Variants in STK32B observed in about 807,000 individuals in gnomAD.
STK32B encodes serine/threonine-protein kinase 32B.
STK32B carries 43 observed loss-of-function variants against 52.6 expected under a neutral mutation model. The observed-to-expected ratio is 0.82, with a 90% CI of 0.64 to 1.05. STK32B has a LOEUF of 1.05. Ranked by LOEUF, STK32B falls within the 50% of genes least tolerant of loss-of-function variation. STK32B has a pLI of 0.00. For missense variants in STK32B, 621 were observed against 534.6 expected, an observed-to-expected ratio of 1.16 and a Z score of -1.59; for synonymous variants, 238 against 204.3, an observed-to-expected ratio of 1.17 and a Z score of -1.41.
chr4:5,358,806 G>T (rs1734347581), intron 4 of STK32B, among the ~76,000 whole-genome samples: 1 of 152,120 alleles, frequency 6.6e-6, no homozygotes, highest in South Asian at 2.1e-4. Context: ...TGAAAGTGAG[G>T]AAAATGTAGG....
intron 1 of STK32B, among the ~76,000 whole-genome samples, chr4:5,106,300 CA>C (rs1282792695): frequency 2.0e-5 from 3 of 151,748 alleles, no homozygotes; most frequent in African/African-American, 4.8e-5. Flanking sequence ...GACTCCATCT[CA>C]AAAAAAACTT....
the STK32B span, among the ~76,000 whole-genome samples, chr4:5,042,294 GAA>G: frequency 6.6e-6 from 1 of 152,162 alleles, no homozygotes; most frequent in Non-Finnish European, 1.5e-5. Context: ...TACGTTCTGG[GAA>G]AGCCAAGCAG....
intron 1 of STK32B, among the ~76,000 whole-genome samples, chr4:5,108,152 T>C (rs1157996825): frequency 1.3e-5 from 2 of 152,244 alleles, no homozygotes; most frequent in Admixed American, 6.5e-5. Context: ...CTGTGTCTTC[T>C]TTTGCATCTT....
chr4:5,045,820 G>C, the STK32B span, among the ~76,000 whole-genome samples: 2 of 152,042 alleles, frequency 1.3e-5, no homozygotes, highest in African/African-American at 4.8e-5. Context: ...AGATGATGGG[G>C]TTTTCTAAAT....
intron 3 of STK32B, among the ~76,000 whole-genome samples, chr4:5,294,069 G>C (rs1263803029): frequency 6.6e-6 from 1 of 152,058 alleles, no homozygotes; most frequent in East Asian, 1.9e-4. Flanking sequence ...GGTTGTTTTT[G>C]TCAAGTTTGT....
intron 1 of STK32B, among the ~76,000 whole-genome samples, 184 bp downstream of exon 1, chr4:5,052,099 C>T (rs531190467): frequency 6.6e-6 from 1 of 152,246 alleles, no homozygotes; most frequent in East Asian, 1.9e-4. Flanking sequence ...GAGGCAACTC[C>T]TAGGTACCCA....
intron 3 of STK32B, among the ~76,000 whole-genome samples, chr4:5,269,138 G>A (rs1218293613): frequency 1.3e-5 from 2 of 152,146 alleles, no homozygotes; most frequent in South Asian, 4.1e-4. Context: ...GAGACCTCGA[G>A]AGATATGAAG....
At chr4:5,090,820 G>A (rs1713039240) in intron 1 of STK32B, among the ~76,000 whole-genome samples, 1 of 152,168 alleles carries the variant, frequency 6.6e-6, no homozygotes, top group East Asian at 1.9e-4. Context: ...AGATCAGATG[G>A]TTGTAGATGT....
intron 3 of STK32B, among the ~76,000 whole-genome samples, chr4:5,181,201 C>T (rs539573463): frequency 2.0e-5 from 3 of 152,100 alleles, no homozygotes; most frequent in African/African-American, 7.2e-5. Flanking sequence ...GAAACCCTAG[C>T]CCCCAATGTC....
At position 5,313,798 on chromosome 4, in the gene STK32B, C is replaced by T. The variant is rs570017782; in HGVS notation, c.261-17422C>T. Among the ~76,000 whole-genome samples, 10 of 152,172 alleles carry T rather than the reference C, an allele frequency of 6.6e-5. No individual in the cohort carries two copies. The South Asian group carries it at 1.0e-3, about 16-fold the overall frequency. On this transcript the variant is annotated intron_variant, in intron 3 of 11. Coordinates refer to ENST00000282908, the MANE Select transcript of STK32B (RefSeq NM_018401.3). ...TAATCACATTTCTGTATACTGACAACGAACATGTGGAAAGCAACAATTTAG... is the reference window on the plus strand; with the variant it reads ...TAATCACATTTCTGTATACTGACAATGAACATGTGGAAAGCAACAATTTAG...
At chr4:5,320,111 C>T (rs1328931028) in intron 3 of STK32B, among the ~76,000 whole-genome samples, 4 of 152,144 alleles carry the variant, frequency 2.6e-5, no homozygotes, top group Admixed American at 2.6e-4. Context: ...ACGTCTCTTC[C>T]CCTTCAGAAT....
intron 3 of STK32B, among the ~76,000 whole-genome samples, chr4:5,320,953 A>G (rs185750427): frequency 1.4e-4 from 22 of 152,342 alleles, no homozygotes; most frequent in Admixed American, 3.9e-4. Flanking sequence ...ATTATGTTCA[A>G]TAGATGATGC....
At chr4:5,455,766 CAG>C (rs1266197496) in intron 7 of STK32B, among the ~76,000 whole-genome samples, 2 of 152,168 alleles carry the variant, frequency 1.3e-5, no homozygotes, top group Non-Finnish European at 2.9e-5. Flanking sequence ...CCCGAGAACA[CAG>C]AAATGAGCGT....
intron 2 of STK32B, among the ~76,000 whole-genome samples, chr4:5,157,151 T>G (rs1717919949): frequency 6.6e-6 from 1 of 152,150 alleles, no homozygotes; most frequent in African/African-American, 2.4e-5. Context: ...AAAAATGTAT[T>G]CTTTTAGAAT....
intron 4 of STK32B, among the ~76,000 whole-genome samples, chr4:5,344,341 T>C (rs1307725989): frequency 6.6e-6 from 1 of 152,192 alleles, no homozygotes; most frequent in African/African-American, 2.4e-5. Flanking sequence ...CTGAAACCTA[T>C]TACATAGTGT....
intron 6 of STK32B, among the ~76,000 whole-genome samples, chr4:5,424,727 A>C (rs893463328): frequency 6.6e-6 from 1 of 152,244 alleles, no homozygotes; most frequent in African/African-American, 2.4e-5. Context: ...GACACAGGAC[A>C]AGAACTTGGG....
chr4:5,461,598 C>T (rs1014075584), intron 9 of STK32B, among the ~76,000 whole-genome samples: 8 of 152,210 alleles, frequency 5.3e-5, no homozygotes, highest in Admixed American at 1.3e-4. Flanking sequence ...CATCTGTTCC[C>T]GTCCTCTCCC....
At chr4:5,168,148 T>C in intron 2 of STK32B, 151 bp from the exon 3 acceptor site, 8 of 936,814 alleles carry the variant, frequency 8.5e-6, no homozygotes, top group Non-Finnish European at 1.1e-5. Flanking sequence ...TGCAGAGAGG[T>C]TGTGCCTAAC....
chr4:5,032,217 T>C, the STK32B span, among the ~76,000 whole-genome samples: 1 of 149,834 alleles, frequency 6.7e-6, no homozygotes, highest in Admixed American at 6.6e-5. Context: ...CTCACACCTG[T>C]AATCCCAGCA....
Sources: allele counts gnomAD v4.1 joint callset (sites outside exome capture counted in the v4.1 genomes callset), GRCh38; gene constraint gnomAD v4.1.1; transcripts MANE v1.5; gene names NCBI Gene and HGNC (gene_info 2026-07-23, HGNC 2026-07-21).